CYB5R4: variants seen among roughly 807,000 people sequenced by gnomAD.
The protein encoded by CYB5R4 is cytochrome b5 reductase 4.
CYB5R4 carries 55 observed loss-of-function variants against 70.2 expected under a neutral mutation model. That is an observed-to-expected ratio of 0.78 (90% confidence interval 0.63 to 0.98). The LOEUF is 0.98. CYB5R4 is among the 50% of genes least tolerant of loss of function. CYB5R4 has a pLI of 0.00. For missense variants in CYB5R4, 562 were observed against 612.6 expected (o/e 0.92, Z 0.87); for synonymous variants, 197 against 199.5 (o/e 0.99, Z 0.11).
intron 4 of CYB5R4, chr6:83,910,209 A>C: frequency 7.1e-7 from 1 of 1,404,264 alleles, no homozygotes; most frequent in Admixed American, 2.2e-5. Context: ...GCTGCCTGCC[A>C]GTTGGAAGTT....
At chr6:83,949,946 A>T (rs1398028822) in intron 14 of CYB5R4, among the ~76,000 whole-genome samples, 1 of 152,162 alleles carries the variant, frequency 6.6e-6, no homozygotes, top group East Asian at 1.9e-4. Flanking sequence ...TGTAGCAGAC[A>T]TTCATTCATT....
chr6:83,860,011 G>A (rs1388108116), intron 1 of CYB5R4, among the ~76,000 whole-genome samples, 154 bp downstream of exon 1: 2 of 152,068 alleles, frequency 1.3e-5, no homozygotes, highest in African/African-American at 4.8e-5. Context: ...ATCCCACTTT[G>A]TCTACAGTCC....
At position 83,901,060 on chromosome 6, in the gene CYB5R4, G is replaced by A. The variant is rs144267176; in HGVS notation, c.330+7438G>A. ...GCTGATGCAGTTTCTTCCTAGCCTC[G>A]ATGGTCTTTACAATTTGGCATGTTT... On this transcript the variant is annotated intron_variant, in intron 3 of 15. Coordinates refer to ENST00000369681, the MANE Select transcript of CYB5R4 (RefSeq NM_016230.4). Among the ~76,000 whole-genome samples the A allele has an allele frequency of 4.8e-4, 73 of 152,300 alleles. 1 individual carries two copies. The East Asian group carries it at 0.013, about 27-fold the overall frequency.
At chr6:83,868,681 CCT>C (rs1196312254) in intron 2 of CYB5R4, among the ~76,000 whole-genome samples, 2 of 152,118 alleles carry the variant, frequency 1.3e-5, no homozygotes, top group East Asian at 3.9e-4. Context: ...CTTGTTTCTC[CCT>C]CTCTTTCTCA....
intron 14 of CYB5R4, among the ~76,000 whole-genome samples, chr6:83,950,111 A>G (rs1254609099): frequency 6.6e-6 from 1 of 152,152 alleles, no homozygotes; most frequent in Non-Finnish European, 1.5e-5. Context: ...AAAAATATAG[A>G]TACTTCATGA....
At chr6:83,894,781 A>G (rs2099461606) in intron 3 of CYB5R4, among the ~76,000 whole-genome samples, 2 of 143,860 alleles carry the variant, frequency 1.4e-5, no homozygotes, top group African/African-American at 5.8e-5. Flanking sequence ...GAGAAAATAT[A>G]TTTATATTCC....
At chr6:83,923,825 A>T in intron 9 of CYB5R4, among the ~76,000 whole-genome samples, 1 of 151,898 alleles carries the variant, frequency 6.6e-6, no homozygotes, top group South Asian at 2.1e-4. Flanking sequence ...GAAACAAATT[A>T]GAGGCTGACA....
At chr6:83,898,176 A>T (rs1224987691) in intron 3 of CYB5R4, among the ~76,000 whole-genome samples, 2 of 151,996 alleles carry the variant, frequency 1.3e-5, no homozygotes, top group Non-Finnish European at 1.5e-5. Flanking sequence ...TCAGCTTTCT[A>T]CATATGGCTA....
chr6:83,924,142 C>CTT (rs35960110), intron 9 of CYB5R4, among the ~76,000 whole-genome samples: 24 of 129,900 alleles, frequency 1.8e-4, no homozygotes, highest in African/African-American at 6.3e-4. Context: ...ACATCTCAAC[C>CTT]TTTTTTTTTT....
intron 11 of CYB5R4, among the ~76,000 whole-genome samples, chr6:83,935,554 C>T (rs995368563): frequency 3.9e-5 from 6 of 152,010 alleles, no homozygotes; most frequent in Admixed American, 3.3e-4. Flanking sequence ...AGGAGCCATG[C>T]GTAAAATTTT....
intron 10 of CYB5R4, among the ~76,000 whole-genome samples, chr6:83,925,500 A>G (rs2099467129): frequency 6.6e-6 from 1 of 152,218 alleles, no homozygotes; most frequent in Admixed American, 6.5e-5. Context: ...AGTTTAACAT[A>G]TATATAGAAA....
chr6:83,869,574 A>T (rs565897945), intron 2 of CYB5R4, among the ~76,000 whole-genome samples: 11 of 152,316 alleles, frequency 7.2e-5, no homozygotes, highest in African/African-American at 2.4e-4. Flanking sequence ...CACGCCTGTG[A>T]TCCCAGCACT....
chr6:83,915,154 G>A (rs55865286), intron 5 of CYB5R4, among the ~76,000 whole-genome samples: 6,219 of 152,162 alleles, frequency 0.041, 437 homozygotes, highest in African/African-American at 0.14. Context: ...TGGATGACTT[G>A]CAAATAATGA....
At chr6:83,945,500 C>A (rs2099470440) in intron 14 of CYB5R4, among the ~76,000 whole-genome samples, 1 of 152,118 alleles carries the variant, frequency 6.6e-6, no homozygotes, top group African/African-American at 2.4e-5. Flanking sequence ...CCTAACATCA[C>A]AATGAGAAGA....
chr6:83,922,594 G>C (rs2099466555), intron 9 of CYB5R4, 124 bp downstream of exon 9: 1 of 663,652 alleles, frequency 1.5e-6, no homozygotes, highest in Non-Finnish European at 2.6e-6. Context: ...TTTTCACATT[G>C]CAAAACAAAG....
chr6:83,905,759 G>T lies in CYB5R4; in HGVS notation c.331-3250G>T, dbSNP rs545029177. On this transcript the variant is annotated intron_variant, in intron 3 of 15. Transcript: ENST00000369681. Reference sequence around the variant, plus strand: ...AGTGGGTGAGTTCTTGGGCCCCTGGGCAGGTGGTGTGGCATGGGTGGTGAC... The same window carrying T: ...AGTGGGTGAGTTCTTGGGCCCCTGGTCAGGTGGTGTGGCATGGGTGGTGAC... Among the ~76,000 whole-genome samples, 6 of 152,218 alleles carry T rather than the reference G, an allele frequency of 3.9e-5. No individual in the cohort carries two copies. The East Asian group carries it at 5.8e-4, about 15-fold the overall frequency.
At position 83,960,198 on chromosome 6, in the gene CYB5R4, A is replaced by T. The variant is rs537318750; in HGVS notation, c.*320A>T. The T allele has an allele frequency of 1.0e-5, 2 of 198,850 alleles. No individual in the cohort carries two copies. The highest frequency in any genetic ancestry group is 1.4e-4 in the East Asian group (1 of 7,298). The allele number at this position is 198,850 out of a possible 1,614,324, so 12.3% of individuals were successfully genotyped here. On this transcript the variant is annotated 3_prime_UTR_variant, in exon 16 of 16. Transcript: ENST00000369681. ...ACAATAAGCACTTGTGTTTTATGAC[A>T]TGATAAAGTAAATGATCACTTCGAT...
At chr6:83,873,807 G>A (rs886168594) in intron 2 of CYB5R4, among the ~76,000 whole-genome samples, 1 of 152,212 alleles carries the variant, frequency 6.6e-6, no homozygotes, top group African/African-American at 2.4e-5. Context: ...AGTCTGTTAG[G>A]TGTTGTTAAG....
At chr6:83,874,650 C>T (rs2099458221) in intron 2 of CYB5R4, among the ~76,000 whole-genome samples, 1 of 151,774 alleles carries the variant, frequency 6.6e-6, no homozygotes, top group Non-Finnish European at 1.5e-5. Flanking sequence ...TTCATTCTTC[C>T]AGCAGCTTCT....
Sources: gnomAD v4.1 joint callset for allele counts (sites outside exome capture counted in the v4.1 genomes callset) on GRCh38, gnomAD v4.1.1 for gene constraint, MANE v1.5 for transcripts, NCBI Gene and HGNC (gene_info 2026-07-23, HGNC 2026-07-21) for gene names.